The following TMEM272 variants were observed in gnomAD, a reference collection of about 807,000 sequenced individuals.
TMEM272 encodes long intergenic non-protein coding RNA 282.
TMEM272 carries 8 observed loss-of-function variants against 3.7 expected under a neutral mutation model. The observed-to-expected ratio is 2.17, with a 90% CI of 1.27 to 3.91. The LOEUF (loss-of-function observed/expected upper bound fraction) is 3.91. Ranked by LOEUF, TMEM272 falls within the 30% of genes most tolerant of loss-of-function variation. The pLI is 0.00. For synonymous variants in TMEM272, 63 were observed against 39.8 expected (o/e 1.58, Z -2.20); for missense variants, 166 against 91.5 (o/e 1.81, Z -3.32).
At chr13:51,911,553 G>A in the TMEM272 span, among the ~76,000 whole-genome samples, 11 of 152,162 alleles carry the variant, frequency 7.2e-5, 1 homozygote, top group Non-Finnish European at 1.5e-4. Context: ...CAACTCATCC[G>A]GAAAGCTTGC....
the TMEM272 span, among the ~76,000 whole-genome samples, chr13:51,920,501 A>G: frequency 2.4e-4 from 36 of 152,128 alleles, no homozygotes; most frequent in African/African-American, 8.7e-4. Context: ...GCAGCTTTGC[A>G]ATAAAGTGTC....
At chr13:51,895,451 T>C in the TMEM272 span, among the ~76,000 whole-genome samples, 2 of 152,106 alleles carry the variant, frequency 1.3e-5, no homozygotes, top group Admixed American at 6.5e-5. Flanking sequence ...TCAAGTCAGA[T>C]TCTCTGTGCT....
At chr13:51,895,144 T>C in the TMEM272 span, among the ~76,000 whole-genome samples, 2 of 152,116 alleles carry the variant, frequency 1.3e-5, no homozygotes, top group East Asian at 1.9e-4. Flanking sequence ...TCCTGCTGTG[T>C]GGCCCAGTTC....
chr13:51,858,676 C>T, the TMEM272 span, among the ~76,000 whole-genome samples: 2 of 152,062 alleles, frequency 1.3e-5, no homozygotes, highest in Non-Finnish European at 2.9e-5. Flanking sequence ...TGTCACATAA[C>T]CAGGAAAAGA....
chr13:51,841,199 C>T (rs892842198), intron 1 of TMEM272, among the ~76,000 whole-genome samples: 3 of 152,166 alleles, frequency 2.0e-5, no homozygotes, highest in Admixed American at 2.0e-4. Flanking sequence ...CCTTTCCTCA[C>T]CCTTCTTAGG....
intron 2 of TMEM272, among the ~76,000 whole-genome samples, chr13:51,826,844 C>T (rs1183224757): frequency 1.3e-5 from 2 of 152,220 alleles, no homozygotes; most frequent in Non-Finnish European, 2.9e-5. Context: ...CTCGTGATCA[C>T]TTTGCCGATG....
At chr13:51,864,402 T>A in the TMEM272 span, among the ~76,000 whole-genome samples, 1 of 152,328 alleles carries the variant, frequency 6.6e-6, no homozygotes, top group African/African-American at 2.4e-5. Context: ...ACTCACTTCC[T>A]TGCTTTTCTC....
chr13:51,932,773 AG>A, the TMEM272 span: 1 of 152,234 alleles, frequency 6.6e-6, no homozygotes, highest in East Asian at 1.9e-4. Flanking sequence ...ACCATCTAAA[AG>A]GTTATTTTCT....
chr13:51,833,840 G>C (rs768283756), intron 2 of TMEM272, among the ~76,000 whole-genome samples: 1 of 152,176 alleles, frequency 6.6e-6, no homozygotes, highest in Non-Finnish European at 1.5e-5. Flanking sequence ...CCTGAAAAGA[G>C]AGGGCAACCT....
chr13:51,871,479 G>C, the TMEM272 span, among the ~76,000 whole-genome samples: 1 of 152,084 alleles, frequency 6.6e-6, no homozygotes, highest in Non-Finnish European at 1.5e-5. Flanking sequence ...TGAATCACTT[G>C]CTCTGGAGGA....
chr13:51,909,482 T>C, the TMEM272 span: 1 of 923,346 alleles, frequency 1.1e-6, no homozygotes, highest in Non-Finnish European at 1.8e-6. Flanking sequence ...TCATTAACTT[T>C]CTGTTGAAGT....
At chr13:51,853,492 A>G in the TMEM272 span, among the ~76,000 whole-genome samples, 2 of 152,184 alleles carry the variant, frequency 1.3e-5, no homozygotes, top group African/African-American at 4.8e-5. Context: ...CTGCATCCTC[A>G]TCGTCTTCAC....
the TMEM272 span, among the ~76,000 whole-genome samples, chr13:51,881,048 T>C: frequency 1.3e-5 from 2 of 152,184 alleles, no homozygotes; most frequent in African/African-American, 4.8e-5. Flanking sequence ...TGAACTGCCA[T>C]TGCATAGCCA....
the TMEM272 span, among the ~76,000 whole-genome samples, chr13:51,881,728 GGGCA>G: frequency 6.6e-6 from 1 of 152,084 alleles, no homozygotes; most frequent in Non-Finnish European, 1.5e-5. Flanking sequence ...CCATGTGAGG[GGGCA>G]GCAAGAAGAC....
the TMEM272 span, among the ~76,000 whole-genome samples, chr13:51,905,554 G>A: frequency 0.17 from 26,143 of 152,220 alleles, 2,413 homozygotes; most frequent in Middle Eastern, 0.26. Flanking sequence ...AGAGCAGGGA[G>A]GCAAGGGGCA....
chr13:51,906,012 G>T, the TMEM272 span, among the ~76,000 whole-genome samples: 91 of 152,340 alleles, frequency 6.0e-4, no homozygotes, highest in Non-Finnish European at 8.7e-4. Flanking sequence ...ACTGTACCCA[G>T]TGATGACTTG....
At chr13:51,910,740 G>A in the TMEM272 span, 5 of 370,700 alleles carry the variant, frequency 1.3e-5, no homozygotes, top group East Asian at 6.7e-5. Flanking sequence ...CAACCGGAGC[G>A]GACCACTGCG....
At chr13:51,846,245 C>A (rs935977234), upstream of TMEM272, among the ~76,000 whole-genome samples, 1 of 152,208 alleles carries the variant, frequency 6.6e-6, no homozygotes, top group Non-Finnish European at 1.5e-5. Flanking sequence ...AAAGGACATA[C>A]AGTCACAGTC....
the TMEM272 span, among the ~76,000 whole-genome samples, chr13:51,931,941 C>T: frequency 6.6e-6 from 1 of 152,118 alleles, no homozygotes; most frequent in Non-Finnish European, 1.5e-5. Flanking sequence ...ACGGACTATG[C>T]CACCAGCATG....
Sources: gnomAD v4.1 joint callset for allele counts (sites outside exome capture counted in the v4.1 genomes callset) on GRCh38, gnomAD v4.1.1 for gene constraint, MANE v1.5 for transcripts, NCBI Gene and HGNC (gene_info 2026-07-23, HGNC 2026-07-21) for gene names.